Variants in TAP1 observed in about 807,000 individuals in gnomAD.
TAP1 encodes the protein transporter 1, ATP binding cassette subfamily B member.
In TAP1, 56 loss-of-function variants were observed where a neutral mutation model predicts 79.3. The ratio of observed to expected loss-of-function variants is 0.71; its 90% CI spans 0.57 to 0.88. The LOEUF (loss-of-function observed/expected upper bound fraction) is 0.88. Among genes scored for constraint, TAP1 ranks in the 40% least tolerant of loss-of-function variants. The pLI, the probability that TAP1 is intolerant of heterozygous loss-of-function variation, is 0.00. For synonymous variants in TAP1, 355 were observed against 401.4 expected, an observed-to-expected ratio of 0.88 and a Z score of 1.38; for missense variants, 737 against 936.3, an observed-to-expected ratio of 0.79 and a Z score of 2.78.
Position 32,847,749 on chromosome 6 carries a change from A to T in TAP1, c.1741-74T>A, listed in dbSNP as rs1770526430. ...TGGTTATCTAGAGATCGAAGACTCA[A>T]AATCTTTATTGAGAACATGTCACAA... On this transcript the variant is annotated intron_variant, in intron 8 of 10. Transcript: ENST00000354258. The surrounding 1 kb of genome is among the most constrained non-coding windows in gnomAD (Gnocchi z 4.7). 3 of 1,589,572 alleles carry T rather than the reference A, an allele frequency of 1.9e-6. No homozygotes were observed. In the Admixed American group the frequency reaches 5.0e-5, roughly 27 times the overall value.
chr6:32,847,415 T>C lies in TAP1; in HGVS notation c.1903+98A>G. On this transcript the variant is annotated intron_variant, in intron 9 of 10. Transcript: ENST00000354258. The surrounding 1 kb of genome is among the most constrained non-coding windows in gnomAD (Gnocchi z 4.7). Reference sequence around the variant, plus strand: ...GCATGATCTTACAACTTCAAATTGATGTCCATGAGTAAGGAGGAACTGAAG... The same window carrying C: ...GCATGATCTTACAACTTCAAATTGACGTCCATGAGTAAGGAGGAACTGAAG... 9 of 1,564,824 alleles carry C rather than the reference T, an allele frequency of 5.8e-6. No individual in the cohort carries two copies. The highest frequency in any genetic ancestry group is 7.9e-6 in the Non-Finnish European group (9 of 1,137,086).
Position 32,848,065 on chromosome 6 carries a change from C to T in TAP1, c.1594G>A (p.Glu532Lys), listed in dbSNP as rs149812348. The T allele has an allele frequency of 2.6e-4, 426 of 1,611,582 alleles. No homozygotes were observed. Among genetic ancestry groups the T allele is most frequent in the African/African-American group, 5.3e-4 (40 of 74,992 alleles). Reference sequence around the variant, plus strand: ...TTGGGTCCCACCAGCGCCGTCACCTCGCCAGGGCGTAGGGTGAATGTCAGC... The same window carrying T: ...TTGGGTCCCACCAGCGCCGTCACCTTGCCAGGGCGTAGGGTGAATGTCAGC... ...QGLTFTLRPGEVTALVGPNGS... is the reference protein window; with the variant it reads ...QGLTFTLRPGKVTALVGPNGS... Residue 532 changes from glutamate (E) to lysine (K), a missense_variant, in exon 8 of 11, where the codon GAG (glutamate) becomes AAG (lysine). Coordinates refer to ENST00000354258, the MANE Select transcript of TAP1 (RefSeq NM_000593.6).
At position 32,847,552 on chromosome 6, in the gene TAP1, G is replaced by A; in HGVS notation, c.1864C>T (p.His622Tyr). The change falls in exon 9 of 11, where the codon CAT (histidine) becomes TAT (tyrosine). Residue 622 changes from histidine (H) to tyrosine (Y), a missense_variant. Physicochemically the swap from His to Tyr is moderately conservative, Grantham distance 83. Around this residue, in one of 5 missense-constraint regions of TAP1, gnomAD observed 266 missense variants for 332.4 expected, o/e 0.80. Transcript: ENST00000354258. The surrounding 1 kb of genome is among the most constrained non-coding windows in gnomAD (Gnocchi z 4.7). ...ITAAAVKSGA[H>Y]SFISGLPQGY... is the part of the protein sequence containing the mutation. ...TGAGGGAGTCCAGAGATGAAACTAT[G>A]GGCCCCAGACTTTACTGCAGCAGCT... 6.2e-7 allele frequency: 1 copy of A among 1,613,962 alleles called. No homozygotes were observed. The highest frequency in any genetic ancestry group is 8.5e-7 in the Non-Finnish European group (1 of 1,180,022).
Position 32,845,797 on chromosome 6 carries a change from C to A in TAP1, c.2041-12G>T. 1.2e-6 allele frequency: 2 copies of A among 1,608,964 alleles called. No homozygotes were observed. Among genetic ancestry groups the A allele is most frequent in the African/African-American group, 1.3e-5 (1 of 75,018 alleles). On this transcript the variant is annotated splice_polypyrimidine_tract_variant and intron_variant, in intron 10 of 10. Transcript: ENST00000354258. The surrounding 1 kb of genome is among the most constrained non-coding windows in gnomAD (Gnocchi z 4.5). The stretch of plus-strand genomic sequence containing the variant: ...AGGAGCTGCTCCACCTGAGGAAAGA[C>A]ATCGGACCGTCAGAGCCGGGGACTA...
In TAP1 at chr6:32,852,779, C is replaced by G; in HGVS notation, c.598+260G>C. The G allele has an allele frequency of 6.9e-7, 1 of 1,441,542 alleles. No individual in the cohort carries two copies. The allele number at this position is 1,441,542 out of a possible 1,614,324, so 89.3% of individuals were successfully genotyped here. ...GAGATGAGGATGCCCCGCCCTTCGG[C>G]CCCAGAGCAAAGGATTTCCCCGCTT... On this transcript the variant is annotated intron_variant, in intron 1 of 10. Transcript: ENST00000354258. The surrounding 1 kb of genome is among the most constrained non-coding windows in gnomAD (Gnocchi z 4.8).
At chr6:32,848,621 C>T (rs757771916) in intron 7 of TAP1, 31 bp downstream of exon 7, 2 of 1,611,536 alleles carry the variant, frequency 1.2e-6, no homozygotes, top group South Asian at 1.1e-5. Context: ...GCAGTTGGGG[C>T]CAGTGGAATA....
Position 32,853,334 on chromosome 6 carries a change from C to T in TAP1, c.303G>A (p.Ala101=), listed in dbSNP as rs1562375937. ...GTCCCGGCAGGGCCAAGCCCAGTGCCGCAGCTAATGGCTTCAAAGCAGCCA... is the reference window on the plus strand; with the variant it reads ...GTCCCGGCAGGGCCAAGCCCAGTGCTGCAGCTAATGGCTTCAAAGCAGCCA... ...GWLAALKPLA[A]ALGLALPGLA... is the part of the protein sequence containing the mutation. Residue 101 remains alanine, a synonymous_variant, in exon 1 of 11, where the codon GCG becomes GCA. Transcript: ENST00000354258. This position sits in a 1 kb window ranked among gnomAD's most constrained non-coding sequence, Gnocchi z 8.3. The T allele has an allele frequency of 6.3e-7, 1 of 1,581,962 alleles. No individual in the cohort carries two copies. Among genetic ancestry groups the T allele is most frequent in the South Asian group, 1.1e-5 (1 of 88,036 alleles).
chr6:32,846,135 C>G (rs550552361), intron 10 of TAP1: 15 of 361,396 alleles, frequency 4.2e-5, no homozygotes, highest in African/African-American at 2.9e-4. Context: ...GCATTCAAGT[C>G]AGGCAGACCT....
Position 32,851,323 on chromosome 6 carries a change from T to A in TAP1, c.845-174A>T, listed in dbSNP as rs1173312705. ...TCTGCAAATCTCAGTGCAGGGAAGA[T>A]GAGTGTTAAAGAGGAAAGGCCTGAC... On this transcript the variant is annotated intron_variant, in intron 3 of 10. Coordinates refer to ENST00000354258, the MANE Select transcript of TAP1 (RefSeq NM_000593.6). This position sits in a 1 kb window ranked among gnomAD's most constrained non-coding sequence, Gnocchi z 4.8. 2.0e-5 allele frequency among the ~76,000 whole-genome samples: 3 copies of A among 152,110 alleles called. No homozygotes were observed. Among genetic ancestry groups the A allele is most frequent in the Non-Finnish European group, 4.4e-5 (3 of 68,016 alleles).
Position 32,853,358 on chromosome 6 carries a change from C to T in TAP1, c.279G>A (p.Leu93=), listed in dbSNP as rs1770929458. The change falls in exon 1 of 11, where the codon CTG becomes CTA. Residue 93 remains leucine, a synonymous_variant. Transcript: ENST00000354258. The surrounding 1 kb of genome is among the most constrained non-coding windows in gnomAD (Gnocchi z 8.3). ...CCGCAGCTAATGGCTTCAAAGCAGC[C>T]AGCCAGCCCTGGGCACCTGCGTTTT... is the stretch of plus-strand genomic sequence containing the variant. ...KSENAGAQGW[L]AALKPLAAAL... 1 of 1,590,884 alleles carries T rather than the reference C, an allele frequency of 6.3e-7. No individual in the cohort carries two copies. Among genetic ancestry groups the T allele is most frequent in the Non-Finnish European group, 8.6e-7 (1 of 1,168,660 alleles).
Position 32,845,412 on chromosome 6 carries a change from C to G in TAP1, c.*167G>C, listed in dbSNP as rs1770296998. On this transcript the variant is annotated 3_prime_UTR_variant, in exon 11 of 11. Coordinates refer to ENST00000354258, the MANE Select transcript of TAP1 (RefSeq NM_000593.6). The surrounding 1 kb of genome is among the most constrained non-coding windows in gnomAD (Gnocchi z 4.5). ...AGGAATTACAAATCCTGTGTTTGTA[C>G]TCCAGGAAGTCTGCATTATCACGAG... is the stretch of plus-strand genomic sequence containing the variant. The G allele has an allele frequency of 1.4e-6, 1 of 720,116 alleles. No homozygotes were observed. Among genetic ancestry groups the G allele is most frequent in the African/African-American group, 1.8e-5 (1 of 56,586 alleles). 44.6% of individuals were successfully genotyped at this position (720,116 alleles called of 1,614,324 possible). A position where few individuals can be genotyped will look rare whatever the true frequency, so the allele number is the denominator to read the frequency against.
rs777278487 is a variant in TAP1, at chr6:32,851,170, G to C, written c.845-21C>G. 5 of 1,610,712 alleles carry C rather than the reference G, an allele frequency of 3.1e-6. No individual in the cohort carries two copies. The Admixed American group carries it at 8.3e-5, about 27-fold the overall frequency. On this transcript the variant is annotated intron_variant, in intron 3 of 10. Transcript: ENST00000354258. This position sits in a 1 kb window ranked among gnomAD's most constrained non-coding sequence, Gnocchi z 4.8. ...GTTACCTGCAGGGTTGGGGAGAAGA[G>C]AGTGAGGTGAATCAGACAGGTTCCA... is the stretch of plus-strand genomic sequence containing the variant.
rs757599052 is a variant in TAP1 at position 32,851,859 on chromosome 6, G to C, written c.844+250C>G. The stretch of plus-strand genomic sequence containing the variant: ...AAACTCTAGGTTTTTCTTAAGGTAA[G>C]GAGGACAATATTTTGCTCCTGAGGT... On this transcript the variant is annotated intron_variant, in intron 3 of 10. Coordinates refer to ENST00000354258, the MANE Select transcript of TAP1 (RefSeq NM_000593.6). The surrounding 1 kb of genome is among the most constrained non-coding windows in gnomAD (Gnocchi z 4.8). Among the ~76,000 whole-genome samples the C allele has an allele frequency of 1.3e-5, 2 of 151,978 alleles. No homozygotes were observed. Among genetic ancestry groups the C allele is most frequent in the South Asian group, 2.1e-4 (1 of 4,830 alleles).
At position 32,853,667 on chromosome 6, in the gene TAP1, G is replaced by A. The variant is rs1238248542; in HGVS notation, c.-31C>T. The A allele has an allele frequency of 6.3e-7, 1 of 1,596,692 alleles. No individual in the cohort carries two copies. Among genetic ancestry groups the A allele is most frequent in the Admixed American group, 1.7e-5 (1 of 58,228 alleles). ...CTCGGACGCCGTCCCGGTCCCGGCCGGGCCTGGGACTCTCCGCGCCCCGGT... is the reference window on the plus strand; with the variant it reads ...CTCGGACGCCGTCCCGGTCCCGGCCAGGCCTGGGACTCTCCGCGCCCCGGT... On this transcript the variant is annotated 5_prime_UTR_variant, in exon 1 of 11. Coordinates refer to ENST00000354258, the MANE Select transcript of TAP1 (RefSeq NM_000593.6). The surrounding 1 kb of genome is among the most constrained non-coding windows in gnomAD (Gnocchi z 8.3).
chr6:32,853,144 C>G lies in TAP1; in HGVS notation c.493G>C (p.Gly165Arg), dbSNP rs1194871951. ...HKLGSLWVPG[G>R]QGGSGNPVRR... ...ACAGGGTTTCCAGAGCCGCCCTGAC[C>G]GCCGGGCACCCAGAGGCTCCCGAGT... The change falls in exon 1 of 11, where the codon GGT becomes CGT. Residue 165 changes from glycine to arginine, a missense_variant. Physicochemically the swap from Gly to Arg is moderately radical, Grantham distance 125. Around this residue, in one of 5 missense-constraint regions of TAP1, gnomAD observed 406 missense variants for 477.2 expected, o/e 0.85. Transcript: ENST00000354258. This position sits in a 1 kb window ranked among gnomAD's most constrained non-coding sequence, Gnocchi z 8.3. The G allele has an allele frequency of 1.2e-6, 2 of 1,612,692 alleles. No individual in the cohort carries two copies. Among genetic ancestry groups the G allele is most frequent in the East Asian group, 2.2e-5 (1 of 44,886 alleles).
chr6:32,846,091 T>G (rs1173219288), intron 10 of TAP1: 10 of 478,940 alleles, frequency 2.1e-5, no homozygotes, highest in South Asian at 2.4e-5. Context: ...TATATTCGAT[T>G]TTAAGGAAAT....
In TAP1 at chr6:32,847,456, A is replaced by G; in HGVS notation, c.1903+57T>C. ...GGAACTGAAGGATAAAGGCAAGACT[A>G]CTGGGGTTTCAGCAAAGGTAAAGAT... On this transcript the variant is annotated intron_variant, in intron 9 of 10. Coordinates refer to ENST00000354258, the MANE Select transcript of TAP1 (RefSeq NM_000593.6). The surrounding 1 kb of genome is among the most constrained non-coding windows in gnomAD (Gnocchi z 4.7). 1.9e-6 allele frequency: 3 copies of G among 1,610,014 alleles called. No homozygotes were observed. Among genetic ancestry groups the G allele is most frequent in the Non-Finnish European group, 2.5e-6 (3 of 1,177,752 alleles).
chr6:32,852,554 G>T lies in TAP1; in HGVS notation c.599-52C>A. 4.4e-6 allele frequency: 7 copies of T among 1,608,160 alleles called. No individual in the cohort carries two copies. Among genetic ancestry groups the T allele is most frequent in the Non-Finnish European group, 5.9e-6 (7 of 1,177,624 alleles). On this transcript the variant is annotated intron_variant, in intron 1 of 10. Transcript: ENST00000354258. This position sits in a 1 kb window ranked among gnomAD's most constrained non-coding sequence, Gnocchi z 4.8. ...ACAAATATTAAGTCTAAGTAGGTCA[G>T]TTCCAGTCAGACTGGCCCCACCACG...
At position 32,852,030 on chromosome 6, in the gene TAP1, C is replaced by T. The variant is rs1271997827; in HGVS notation, c.844+79G>A. ...GTATGTGTGTGTGAGAGAGAGAGAG[C>T]GGGGAGGGGGGAGATCAAAGCAGAT... is the stretch of plus-strand genomic sequence containing the variant. On this transcript the variant is annotated intron_variant, in intron 3 of 10. Transcript: ENST00000354258. This position sits in a 1 kb window ranked among gnomAD's most constrained non-coding sequence, Gnocchi z 4.8. 16 of 1,574,194 alleles carry T rather than the reference C, an allele frequency of 1.0e-5. No homozygotes were observed. The highest frequency in any genetic ancestry group is 3.4e-5 in the Admixed American group (2 of 59,532).
Sources: gnomAD v4.1 joint callset for allele counts (sites outside exome capture counted in the v4.1 genomes callset) on GRCh38, gnomAD v4.1.1 for gene constraint, gnomAD v4.1.1 regional missense constraint, Gnocchi (gnomAD v3.1) non-coding constraint, MANE v1.5 for transcripts, NCBI Gene and HGNC (gene_info 2026-07-23, HGNC 2026-07-21) for gene names.